ADAMTSL3: variants seen among roughly 807,000 people sequenced by gnomAD.
ADAMTSL3 encodes the protein ADAMTS-like protein 3.
A neutral mutation model predicts 201.7 loss-of-function variants in ADAMTSL3; 128 were observed. That is an observed-to-expected ratio of 0.63 (90% CI 0.55 to 0.73). The LOEUF (loss-of-function observed/expected upper bound fraction) is 0.73. ADAMTSL3 is among the 30% of genes least tolerant of loss of function. ADAMTSL3 has a pLI of 0.00. For synonymous variants in ADAMTSL3, 738 were observed against 748.4 expected (o/e 0.99, Z 0.23); for missense variants, 1,990 against 2,119.6 (o/e 0.94, Z 1.20).
chr15:83,960,835 A>G (rs573295112), intron 19 of ADAMTSL3, among the ~76,000 whole-genome samples: 236 of 152,358 alleles, frequency 1.5e-3, no homozygotes, highest in Admixed American at 4.1e-3. Context: ...TGTTACTCAC[A>G]AACAGCCAGC....
chr15:83,810,211 A>G (rs2063671277), intron 5 of ADAMTSL3, among the ~76,000 whole-genome samples: 2 of 152,206 alleles, frequency 1.3e-5, no homozygotes, highest in African/African-American at 4.8e-5. Context: ...AGCACGATGC[A>G]AATGCTTCAC....
intron 4 of ADAMTSL3, among the ~76,000 whole-genome samples, chr15:83,799,330 C>T (rs2063481825): frequency 6.6e-6 from 1 of 152,050 alleles, no homozygotes; most frequent in Non-Finnish European, 1.5e-5. Flanking sequence ...CTATTTTCCT[C>T]ATATATTTCT....
At chr15:84,015,546 T>C (rs556873988) in intron 24 of ADAMTSL3, among the ~76,000 whole-genome samples, 1 of 152,292 alleles carries the variant, frequency 6.6e-6, no homozygotes, top group South Asian at 2.1e-4. Context: ...TGAGGAGCCT[T>C]GGGCTCATAA....
chr15:84,029,333 G>A (rs1254117421), intron 27 of ADAMTSL3, among the ~76,000 whole-genome samples: 1 of 152,170 alleles, frequency 6.6e-6, no homozygotes, highest in Non-Finnish European at 1.5e-5. Flanking sequence ...GTGGAGATGA[G>A]GAACTTCTTG....
At chr15:83,831,593 A>T (rs1421970169) in intron 6 of ADAMTSL3, among the ~76,000 whole-genome samples, 1 of 152,176 alleles carries the variant, frequency 6.6e-6, no homozygotes. Flanking sequence ...CAGTGGTGCT[A>T]TCATGGCTCA....
chr15:83,872,894 T>C (rs919130566), intron 9 of ADAMTSL3, among the ~76,000 whole-genome samples: 1 of 145,846 alleles, frequency 6.9e-6, no homozygotes, highest in Non-Finnish European at 1.5e-5. Flanking sequence ...TATGTATATG[T>C]ATATTTTTAA....
intron 6 of ADAMTSL3, among the ~76,000 whole-genome samples, chr15:83,826,769 T>C (rs1015956383): frequency 3.6e-4 from 54 of 151,664 alleles, no homozygotes; most frequent in African/African-American, 1.1e-3. Context: ...TGTTTGGTTT[T>C]TCGTCCTTGC....
At chr15:83,880,863 C>A (rs1038694795) in intron 9 of ADAMTSL3, among the ~76,000 whole-genome samples, 6 of 152,146 alleles carry the variant, frequency 3.9e-5, no homozygotes, top group Non-Finnish European at 7.4e-5. Context: ...ATATTTTCAT[C>A]AGTTAATACC....
chr15:83,838,074 T>C lies in ADAMTSL3; in HGVS notation c.601-15T>C. On this transcript the variant is annotated splice_polypyrimidine_tract_variant and intron_variant, in intron 6 of 29. Coordinates refer to ENST00000286744, the MANE Select transcript of ADAMTSL3 (RefSeq NM_207517.3). ...TGGCTTTGGGCACCACTGACTGCCA[T>C]GCTTCTGTTGGCAGGCAGTGGGCTG... The C allele has an allele frequency of 2.5e-6, 4 of 1,605,416 alleles. No individual in the cohort carries two copies. Among genetic ancestry groups the C allele is most frequent in the African/African-American group, 1.3e-5 (1 of 74,528 alleles).
At chr15:83,687,161 A>G (rs186883891) in intron 2 of ADAMTSL3, among the ~76,000 whole-genome samples, 1 of 152,324 alleles carries the variant, frequency 6.6e-6, no homozygotes, top group East Asian at 1.9e-4. Context: ...CTATGATTGT[A>G]CCACTGCACT....
chr15:83,658,454 T>TG (rs2061121523), intron 2 of ADAMTSL3, among the ~76,000 whole-genome samples: 1 of 152,216 alleles, frequency 6.6e-6, no homozygotes, highest in Non-Finnish European at 1.5e-5. Context: ...TAAACTCTTA[T>TG]ATTCACTGCC....
chr15:83,712,261 T>A (rs1009314702), intron 3 of ADAMTSL3, among the ~76,000 whole-genome samples: 3 of 152,224 alleles, frequency 2.0e-5, no homozygotes, highest in African/African-American at 7.2e-5. Context: ...CTTTGTTTAT[T>A]GATTTCCCCT....
rs529853161 is a variant in ADAMTSL3, at chr15:83,967,867, G to C, written c.2491-2617G>C. On this transcript the variant is annotated intron_variant, in intron 19 of 29. Transcript: ENST00000286744. ...CCAATGGAACAGAACAGAGGCCTCA[G>C]AAATCATGCCACACATCTACAACCA... 2.0e-5 allele frequency among the ~76,000 whole-genome samples: 3 copies of C among 152,286 alleles called. No individual in the cohort carries two copies. In the East Asian group the frequency reaches 5.8e-4, roughly 29 times the overall value.
intron 27 of ADAMTSL3, among the ~76,000 whole-genome samples, chr15:84,029,998 C>T (rs1389630629): frequency 4.6e-5 from 7 of 152,246 alleles, no homozygotes; most frequent in Non-Finnish European, 8.8e-5. Context: ...GGTTTGAGAA[C>T]CTCTGCCTAG....
chr15:83,906,614 GCCACACACCACAC>G (rs1198893582), intron 15 of ADAMTSL3, among the ~76,000 whole-genome samples: 3 of 65,994 alleles, frequency 4.5e-5, no homozygotes, highest in African/African-American at 2.7e-4. Flanking sequence ...TTTATATAGT[GCCACACACCACAC>G]ACACACACAC....
At chr15:84,017,359 C>T (rs566684656) in intron 25 of ADAMTSL3, among the ~76,000 whole-genome samples, 5 of 152,248 alleles carry the variant, frequency 3.3e-5, no homozygotes, top group East Asian at 1.9e-4. Context: ...CCTCGTGATC[C>T]GCCCACCTTG....
chr15:83,685,569 T>G (rs1302287289), intron 2 of ADAMTSL3, among the ~76,000 whole-genome samples: 3 of 152,232 alleles, frequency 2.0e-5, no homozygotes, highest in Admixed American at 6.5e-5. Flanking sequence ...TTATATTTTC[T>G]TCTAAATGTT....
chr15:83,896,313 G>A (rs1319515038), intron 13 of ADAMTSL3, among the ~76,000 whole-genome samples: 1 of 152,108 alleles, frequency 6.6e-6, no homozygotes, highest in African/African-American at 2.4e-5. Context: ...AGAATTAGTG[G>A]GGTCTGAAGT....
intron 4 of ADAMTSL3, among the ~76,000 whole-genome samples, chr15:83,792,399 A>G (rs1304678810): frequency 6.6e-6 from 1 of 152,252 alleles, no homozygotes; most frequent in African/African-American, 2.4e-5. Flanking sequence ...AGTATTGGCA[A>G]GGATGCAGAG....
Sources: gnomAD v4.1 joint callset for allele counts (sites outside exome capture counted in the v4.1 genomes callset) on GRCh38, gnomAD v4.1.1 for gene constraint, MANE v1.5 for transcripts, NCBI Gene and HGNC (gene_info 2026-07-23, HGNC 2026-07-21) for gene names.